The following PTPRD variants were observed in gnomAD, a reference collection of about 807,000 sequenced individuals.
The protein encoded by PTPRD is protein tyrosine phosphatase receptor type D, also known as receptor-type tyrosine-protein phosphatase delta.
A neutral mutation model predicts 214.5 loss-of-function variants in PTPRD; 34 were observed. The observed-to-expected ratio is 0.16, with a 90% CI of 0.12 to 0.21. The LOEUF is 0.21. Ranked by LOEUF, PTPRD falls within the 10% of genes least tolerant of loss-of-function variation. The probability of loss-of-function intolerance (pLI) is 1.00; values close to 1 mark genes in which losing one functional copy is unlikely to be tolerated. For synonymous variants in PTPRD, 1,128 were observed against 845.7 expected (o/e 1.33, Z -5.79); for missense variants, 2,545 against 2,398.7 (o/e 1.06, Z -1.27).
chr9:8,519,656 G>C (rs2097852271), intron 20 of PTPRD, among the ~76,000 whole-genome samples: 1 of 152,152 alleles, frequency 6.6e-6, no homozygotes, highest in African/African-American at 2.4e-5. Flanking sequence ...GGTTTTTAAT[G>C]AGAATCGTTA....
At chr9:8,344,764 G>A (rs1200638304) in intron 39 of PTPRD, among the ~76,000 whole-genome samples, 1 of 151,968 alleles carries the variant, frequency 6.6e-6, no homozygotes, top group Non-Finnish European at 1.5e-5. Context: ...CAATGGCTGT[G>A]TGTCCTTGAG....
intron 9 of PTPRD, among the ~76,000 whole-genome samples, chr9:9,271,542 A>G (rs1942935964): frequency 6.6e-6 from 1 of 151,422 alleles, no homozygotes; most frequent in Non-Finnish European, 1.5e-5. Flanking sequence ...TTAATCTATT[A>G]AATATAGCAA....
chr9:9,036,285 A>C (rs1357405123), intron 10 of PTPRD, among the ~76,000 whole-genome samples: 1 of 152,056 alleles, frequency 6.6e-6, no homozygotes, highest in Non-Finnish European at 1.5e-5. Flanking sequence ...AAGAGTAAAT[A>C]ATTAGTGCTC....
At chr9:9,391,916 C>A (rs770474545) in intron 9 of PTPRD, among the ~76,000 whole-genome samples, 1 of 151,994 alleles carries the variant, frequency 6.6e-6, no homozygotes, top group Non-Finnish European at 1.5e-5. Flanking sequence ...CAGAGAGAAC[C>A]CTTGAGTGGT....
intron 5 of PTPRD, among the ~76,000 whole-genome samples, chr9:9,886,846 G>C (rs1184981510): frequency 6.6e-6 from 1 of 152,036 alleles, no homozygotes; most frequent in Non-Finnish European, 1.5e-5. Context: ...AACCCACGTG[G>C]AGAGACCACA....
In PTPRD at chr9:10,193,949, C is replaced by G. The variant is rs1227033740; in HGVS notation, c.-545+147014G>C. ...CCATTATAACTGTTAAAGTGATCAACTATTGCTGTGCTCAAAGTTAGAACA... is the reference window on the plus strand; with the variant it reads ...CCATTATAACTGTTAAAGTGATCAAGTATTGCTGTGCTCAAAGTTAGAACA... On this transcript the variant is annotated intron_variant, in intron 3 of 45. Transcript: ENST00000381196. Among the ~76,000 whole-genome samples, 4 of 152,200 alleles carry G rather than the reference C, an allele frequency of 2.6e-5. No homozygotes were observed. The East Asian group carries it at 5.8e-4, about 22-fold the overall frequency.
intron 9 of PTPRD, among the ~76,000 whole-genome samples, chr9:9,383,363 A>G (rs2062897439): frequency 6.6e-6 from 1 of 152,132 alleles, no homozygotes; most frequent in Non-Finnish European, 1.5e-5. Context: ...AACAGATGGC[A>G]GAAAGCATAC....
intron 3 of PTPRD, among the ~76,000 whole-genome samples, chr9:10,299,036 T>C (rs999137780): frequency 6.6e-6 from 1 of 152,164 alleles, no homozygotes; most frequent in Non-Finnish European, 1.5e-5. Context: ...AATGAATACA[T>C]GCATTGCCAT....
At chr9:10,198,860 G>T (rs151183982) in intron 3 of PTPRD, among the ~76,000 whole-genome samples, 1 of 151,900 alleles carries the variant, frequency 6.6e-6, no homozygotes, top group Non-Finnish European at 1.5e-5. Context: ...ATATTTAATT[G>T]CTCATTGTAT....
chr9:9,989,682 T>C (rs1208289395), intron 4 of PTPRD, among the ~76,000 whole-genome samples: 1 of 152,174 alleles, frequency 6.6e-6, no homozygotes, highest in South Asian at 2.1e-4. Context: ...GGCTGTCGCA[T>C]TGACTCTCCA....
At chr9:10,223,343 C>T (rs1469646747) in intron 3 of PTPRD, among the ~76,000 whole-genome samples, 2 of 151,912 alleles carry the variant, frequency 1.3e-5, no homozygotes, top group African/African-American at 4.8e-5. Flanking sequence ...AAAGTCAGAA[C>T]CTCCTGGTTT....
intron 11 of PTPRD, among the ~76,000 whole-genome samples, chr9:8,734,247 A>G (rs957951409): frequency 6.6e-6 from 1 of 152,238 alleles, no homozygotes; most frequent in African/African-American, 2.4e-5. Flanking sequence ...CCTTTTGGGC[A>G]AAGACCTAAA....
At chr9:9,538,277 C>A (rs1310762655) in intron 8 of PTPRD, among the ~76,000 whole-genome samples, 1 of 151,906 alleles carries the variant, frequency 6.6e-6, no homozygotes, top group Non-Finnish European at 1.5e-5. Flanking sequence ...ATTTTAGTCA[C>A]ACACACAAGC....
intron 4 of PTPRD, among the ~76,000 whole-genome samples, chr9:10,001,066 C>G (rs35196386): frequency 0.17 from 26,174 of 152,036 alleles, 2,986 homozygotes; most frequent in African/African-American, 0.32. Flanking sequence ...ATCTCTGTAG[C>G]GGGGAGCTTT....
intron 9 of PTPRD, among the ~76,000 whole-genome samples, chr9:9,368,246 T>C (rs77754803): frequency 0.011 from 1,687 of 151,884 alleles, 31 homozygotes; most frequent in African/African-American, 0.039. Flanking sequence ...TTGGGCCTTA[T>C]CTCCTTCAAC....
intron 5 of PTPRD, among the ~76,000 whole-genome samples, chr9:9,771,168 T>G (rs2098748832): frequency 6.6e-6 from 1 of 152,182 alleles, no homozygotes; most frequent in African/African-American, 2.4e-5. Flanking sequence ...TTTCCCACCT[T>G]TATTAACTAT....
chr9:9,918,351 TAAAA>T (rs3050147), intron 5 of PTPRD, among the ~76,000 whole-genome samples: 5,414 of 101,938 alleles, frequency 0.053, 167 homozygotes, highest in East Asian at 0.14. Context: ...ACCAAAGAGG[TAAAA>T]AAAAAAAAAA....
chr9:9,015,156 G>T (rs987349352), intron 11 of PTPRD, among the ~76,000 whole-genome samples: 1 of 152,140 alleles, frequency 6.6e-6, no homozygotes, highest in African/African-American at 2.4e-5. Flanking sequence ...GAATGTGTCA[G>T]AGGCATTTAA....
chr9:9,167,923 A>T (rs1301132128), intron 10 of PTPRD, among the ~76,000 whole-genome samples: 6 of 152,186 alleles, frequency 3.9e-5, no homozygotes, highest in African/African-American at 1.4e-4. Context: ...GATCATCCTT[A>T]GAAAGCTCCC....
Sources: gnomAD v4.1 joint callset for allele counts (sites outside exome capture counted in the v4.1 genomes callset) on GRCh38, gnomAD v4.1.1 for gene constraint, MANE v1.5 for transcripts, NCBI Gene and HGNC (gene_info 2026-07-23, HGNC 2026-07-21) for gene names.